Variants in GALNT13 observed in about 807,000 individuals in gnomAD.
The protein encoded by GALNT13 is UDP-GalNAc:polypeptide N-acetylgalactosaminyltransferase 13.
In GALNT13, 28 loss-of-function variants were observed where a neutral mutation model predicts 64.2. The observed-to-expected ratio is 0.44, with a 90% CI of 0.32 to 0.60. The LOEUF (loss-of-function observed/expected upper bound fraction) is 0.60, where lower values mean the gene tolerates loss of function less well. Among genes scored for constraint, GALNT13 ranks in the 20% least tolerant of loss-of-function variants. The pLI, the probability that GALNT13 is intolerant of heterozygous loss-of-function variation, is 0.05. For synonymous variants in GALNT13, 214 were observed against 224.6 expected (o/e 0.95, Z 0.42); for missense variants, 577 against 669.8 (o/e 0.86, Z 1.53).
chr2:153,288,847 C>A, the GALNT13 span, among the ~76,000 whole-genome samples: 2 of 152,096 alleles, frequency 1.3e-5, no homozygotes, highest in African/African-American at 4.8e-5. Context: ...AAATGTATCA[C>A]CCATGGATAA....
At chr2:153,386,546 G>A in the GALNT13 span, among the ~76,000 whole-genome samples, 1 of 152,032 alleles carries the variant, frequency 6.6e-6, no homozygotes, top group Non-Finnish European at 1.5e-5. Flanking sequence ...GTGGATGAGG[G>A]ATCTGAGTTG....
chr2:153,078,689 A>AT, the GALNT13 span, among the ~76,000 whole-genome samples: 1 of 151,906 alleles, frequency 6.6e-6, no homozygotes, highest in African/African-American at 2.4e-5. Context: ...GAAGGGAGGA[A>AT]TTTTTTTTAC....
the GALNT13 span, among the ~76,000 whole-genome samples, chr2:153,283,593 G>A: frequency 2.0e-5 from 3 of 152,012 alleles, 1 homozygote; most frequent in Middle Eastern, 6.4e-3. Context: ...GGCATGGAGT[G>A]GAGAGGGCCC....
At chr2:153,429,121 A>G in the GALNT13 span, among the ~76,000 whole-genome samples, 1 of 152,156 alleles carries the variant, frequency 6.6e-6, no homozygotes, top group Non-Finnish European at 1.5e-5. Context: ...ACCAATTAAA[A>G]GGGTAAAAGG....
chr2:153,263,837 A>T, the GALNT13 span, among the ~76,000 whole-genome samples: 1 of 152,360 alleles, frequency 6.6e-6, no homozygotes, highest in Non-Finnish European at 1.5e-5. Context: ...CAAAAACTAT[A>T]AAAATCCTAG....
At chr2:153,115,049 G>A in the GALNT13 span, among the ~76,000 whole-genome samples, 3 of 151,342 alleles carry the variant, frequency 2.0e-5, no homozygotes, top group Non-Finnish European at 4.4e-5. Context: ...ATGAAATAAT[G>A]TATGCAGGTG....
At chr2:153,868,165 T>A (rs1685797055), upstream of GALNT13, among the ~76,000 whole-genome samples, 1 of 152,180 alleles carries the variant, frequency 6.6e-6, no homozygotes, top group Admixed American at 6.5e-5. Flanking sequence ...ACTGCTGTAT[T>A]CCCAGTTCCT....
At chr2:154,327,502 T>C (rs1480238638) in intron 9 of GALNT13, among the ~76,000 whole-genome samples, 1 of 152,112 alleles carries the variant, frequency 6.6e-6, no homozygotes, top group Admixed American at 6.6e-5. Flanking sequence ...GGGAACTAAT[T>C]CACTTCCCTA....
At chr2:153,338,078 G>T in the GALNT13 span, among the ~76,000 whole-genome samples, 1 of 152,072 alleles carries the variant, frequency 6.6e-6, no homozygotes, top group Non-Finnish European at 1.5e-5. Flanking sequence ...ATCACTTCAG[G>T]TCAGGAGTTC....
chr2:154,335,045 C>T (rs1257669493), intron 9 of GALNT13, among the ~76,000 whole-genome samples: 1 of 151,990 alleles, frequency 6.6e-6, no homozygotes, highest in Non-Finnish European at 1.5e-5. Context: ...AGTCTCTTCA[C>T]TCAGAAAAAC....
At chr2:154,190,573 G>A (rs1159111196) in intron 4 of GALNT13, among the ~76,000 whole-genome samples, 1 of 152,180 alleles carries the variant, frequency 6.6e-6, no homozygotes, top group Admixed American at 6.5e-5. Flanking sequence ...TACAGAGGAG[G>A]CAAAGTCCAA....
intron 3 of GALNT13, among the ~76,000 whole-genome samples, chr2:154,005,649 T>C (rs1254701444): frequency 2.0e-5 from 3 of 152,136 alleles, no homozygotes; most frequent in Non-Finnish European, 4.4e-5. Context: ...ACAGCTTAAA[T>C]TGACTAATTC....
At chr2:153,084,470 G>C in the GALNT13 span, among the ~76,000 whole-genome samples, 1 of 152,010 alleles carries the variant, frequency 6.6e-6, no homozygotes, top group Admixed American at 6.5e-5. Context: ...GTTAGGTATA[G>C]TCCTGATATG....
At chr2:153,542,890 CA>C in the GALNT13 span, among the ~76,000 whole-genome samples, 1 of 152,022 alleles carries the variant, frequency 6.6e-6, no homozygotes, top group African/African-American at 2.4e-5. Flanking sequence ...TATATCTCAT[CA>C]ATAAAAGTAC....
At chr2:154,168,675 A>C (rs1685176696) in intron 4 of GALNT13, among the ~76,000 whole-genome samples, 2 of 76,184 alleles carry the variant, frequency 2.6e-5, no homozygotes, top group Non-Finnish European at 3.2e-5. Context: ...TCTACTATTA[A>C]AAAAAAAAAA....
chr2:153,410,758 A>G, the GALNT13 span, among the ~76,000 whole-genome samples: 8 of 152,156 alleles, frequency 5.3e-5, no homozygotes, highest in Non-Finnish European at 1.0e-4. Context: ...GGAAATAGAG[A>G]TAAAAATAAG....
At chr2:153,261,739 C>G in the GALNT13 span, among the ~76,000 whole-genome samples, 4 of 134,446 alleles carry the variant, frequency 3.0e-5, no homozygotes, top group Non-Finnish European at 6.7e-5. Flanking sequence ...GGCAGGCAAT[C>G]TACCCAGGCT....
At chr2:153,819,320 T>C in the GALNT13 span, among the ~76,000 whole-genome samples, 1 of 152,120 alleles carries the variant, frequency 6.6e-6, no homozygotes, top group African/African-American at 2.4e-5. Flanking sequence ...GTCAATCACA[T>C]TGTGGTCCAG....
At chr2:153,320,761 C>A in the GALNT13 span, among the ~76,000 whole-genome samples, 124 of 152,192 alleles carry the variant, frequency 8.1e-4, no homozygotes, top group Non-Finnish European at 1.4e-3. Context: ...CCACTTTATA[C>A]CAAATAAAGT....
Sources: gnomAD v4.1 joint callset for allele counts (sites outside exome capture counted in the v4.1 genomes callset) on GRCh38, gnomAD v4.1.1 for gene constraint, MANE v1.5 for transcripts, NCBI Gene and HGNC (gene_info 2026-07-23, HGNC 2026-07-21) for gene names.